Variants in RPL14 observed in about 807,000 individuals in gnomAD.
The protein encoded by RPL14 is ribosomal protein L14.
RPL14 carries 4 observed loss-of-function variants against 25.3 expected under a neutral mutation model. The ratio of observed to expected loss-of-function variants is 0.16; its 90% CI spans 0.08 to 0.36. The LOEUF (loss-of-function observed/expected upper bound fraction) is 0.36. RPL14 is among the 10% of genes least tolerant of loss of function. The pLI, the probability that RPL14 is intolerant of heterozygous loss-of-function variation, is 1.00. For missense variants in RPL14, 212 were observed against 261.9 expected (o/e 0.81, Z 1.31); for synonymous variants, 75 against 89.8 (o/e 0.84, Z 0.93).
At position 40,461,930 on chromosome 3, in the gene RPL14, A is replaced by G. The variant is rs752234179; in HGVS notation, c.355-9A>G. 8 of 1,585,888 alleles carry G rather than the reference A, an allele frequency of 5.0e-6. No homozygotes were observed. The highest frequency in any genetic ancestry group is 6.8e-6 in the Non-Finnish European group (8 of 1,170,742). On this transcript the variant is annotated splice_polypyrimidine_tract_variant and intron_variant, in intron 5 of 5. Coordinates refer to ENST00000396203, the MANE Select transcript of RPL14 (RefSeq NM_001034996.3). The stretch of plus-strand genomic sequence containing the variant: ...ACAATAAGTGCTTTCTTACATTGAT[A>G]ATTTTCAGAGGAACAGAATAATCAA...
chr3:40,458,901 C>T (rs926184732), intron 3 of RPL14, 165 bp downstream of exon 3: 24 of 620,190 alleles, frequency 3.9e-5, no homozygotes, highest in Middle Eastern at 5.1e-4. Context: ...CTTGCCTGCG[C>T]GTGATAGCTC....
chr3:40,458,918 G>T, intron 3 of RPL14, 182 bp downstream of exon 3: 1 of 574,546 alleles, frequency 1.7e-6, no homozygotes, highest in Non-Finnish European at 3.1e-6. Flanking sequence ...GCTCATGCCT[G>T]TAATCCCAGT....
rs985528979 is a variant in RPL14 at position 40,461,398 on chromosome 3, T to C, written c.201-9T>C. On this transcript the variant is annotated splice_polypyrimidine_tract_variant and intron_variant, in intron 3 of 5. Coordinates refer to ENST00000396203, the MANE Select transcript of RPL14 (RefSeq NM_001034996.3). ...TGATTTCTTAATCTGTGGTCTTGGC[T>C]CGTTCTAGTGCCCACCAGAAGTATG... The C allele has an allele frequency of 1.2e-6, 2 of 1,613,344 alleles. No individual in the cohort carries two copies. Among genetic ancestry groups the C allele is most frequent in the East Asian group, 2.2e-5 (1 of 44,884 alleles).
At position 40,464,621 on chromosome 3, in the gene RPL14, A is replaced by G; in HGVS notation, c.*2389A>G. The G allele has an allele frequency of 2.3e-6, 1 of 434,778 alleles. No homozygotes were observed. Among genetic ancestry groups the G allele is most frequent in the South Asian group, 1.6e-5 (1 of 61,354 alleles). 26.9% of individuals were successfully genotyped at this position (434,778 alleles called of 1,614,324 possible). A position where few individuals can be genotyped will look rare whatever the true frequency, so the allele number is the denominator to read the frequency against. ...TGAGGGTTTTTTAAAATGGCGTGAT[A>G]TCTCAGATTTAGATCATTGAACTGT... On this transcript the variant is annotated 3_prime_UTR_variant, in exon 6 of 6. Coordinates refer to ENST00000396203, the MANE Select transcript of RPL14 (RefSeq NM_001034996.3).
chr3:40,459,874 A>AAC (rs1559528485), intron 3 of RPL14, among the ~76,000 whole-genome samples: 1 of 151,094 alleles, frequency 6.6e-6, no homozygotes, highest in Non-Finnish European at 1.5e-5. Context: ...AAAAAAAAAA[A>AAC]AAAAAACTTA....
Position 40,463,510 on chromosome 3 carries a change from A to G in RPL14, c.*1278A>G, listed in dbSNP as rs1482684242. The G allele has an allele frequency of 6.6e-6, 1 of 152,166 alleles. No homozygotes were observed. The highest frequency in any genetic ancestry group is 1.5e-5 in the Non-Finnish European group (1 of 68,034). 9.4% of individuals were successfully genotyped at this position (152,166 alleles called of 1,614,324 possible). ...TGTGAGCCACTGTGCCCGGCCTGCAAATTTTCTTATAAAAAGTAAACTAGG... is the reference window on the plus strand; with the variant it reads ...TGTGAGCCACTGTGCCCGGCCTGCAGATTTTCTTATAAAAAGTAAACTAGG... On this transcript the variant is annotated 3_prime_UTR_variant, in exon 6 of 6. Coordinates refer to ENST00000396203, the MANE Select transcript of RPL14 (RefSeq NM_001034996.3).
In RPL14 at chr3:40,461,401, T is replaced by A. The variant is rs182173609; in HGVS notation, c.201-6T>A. ...TTTCTTAATCTGTGGTCTTGGCTCG[T>A]TCTAGTGCCCACCAGAAGTATGTCC... On this transcript the variant is annotated splice_region_variant and splice_polypyrimidine_tract_variant and intron_variant, in intron 3 of 5. Transcript: ENST00000396203. 1.2e-6 allele frequency: 2 copies of A among 1,613,846 alleles called. No individual in the cohort carries two copies. The highest frequency in any genetic ancestry group is 4.5e-5 in the East Asian group (2 of 44,876).
At chr3:40,457,658 C>A in intron 1 of RPL14, 184 bp downstream of exon 1, 1 of 665,576 alleles carries the variant, frequency 1.5e-6, no homozygotes, top group Non-Finnish European at 2.6e-6. Flanking sequence ...GAGCCTTGTC[C>A]TGCCGTGTGG....
At chr3:40,460,683 G>C (rs1332965788) in intron 3 of RPL14, among the ~76,000 whole-genome samples, 2 of 150,720 alleles carry the variant, frequency 1.3e-5, no homozygotes, top group Non-Finnish European at 2.9e-5. Context: ...ACGCAATCTT[G>C]ACTCACTGCA....
In RPL14 at chr3:40,462,000, C is replaced by A; in HGVS notation, c.416C>A (p.Ser139Tyr). 1.3e-6 allele frequency: 2 copies of A among 1,590,454 alleles called. No homozygotes were observed. The highest frequency in any genetic ancestry group is 1.7e-6 in the Non-Finnish European group (2 of 1,164,362). ...KLQKAALLKA[S>Y]PKKAPGTKGT... ...CAAAAGGCAGCTCTCCTGAAAGCTTCTCCCAAAAAAGCACCTGGTACTAAG... is the reference window on the plus strand; with the variant it reads ...CAAAAGGCAGCTCTCCTGAAAGCTTATCCCAAAAAAGCACCTGGTACTAAG... Residue 139 changes from serine (S) to tyrosine (Y), a missense_variant, in exon 6 of 6, where the codon TCT becomes TAT. Transcript: ENST00000396203.
chr3:40,457,513 C>T, intron 1 of RPL14, 39 bp downstream of exon 1: 1 of 1,458,458 alleles, frequency 6.9e-7, no homozygotes, highest in Non-Finnish European at 9.4e-7. Flanking sequence ...GGAATCGGGC[C>T]CTTCCCGGAC....
chr3:40,462,438 G>A lies in RPL14; in HGVS notation c.*206G>A, dbSNP rs148119589. On this transcript the variant is annotated 3_prime_UTR_variant, in exon 6 of 6. Transcript: ENST00000396203. ...GTTGCTCAGGCCGGACTGCAGTGGC[G>A]CTATCTCGGCTCACTGTAAGTTCCA... 711 of 477,030 alleles carry A rather than the reference G, an allele frequency of 1.5e-3. 14 individuals are homozygous for A. In the South Asian group the frequency reaches 0.02, roughly 13 times the overall value. 29.5% of individuals were successfully genotyped at this position (477,030 alleles called of 1,614,324 possible).
chr3:40,462,351 A>G lies in RPL14; in HGVS notation c.*119A>G. On this transcript the variant is annotated 3_prime_UTR_variant, in exon 6 of 6. Coordinates refer to ENST00000396203, the MANE Select transcript of RPL14 (RefSeq NM_001034996.3). ...GAGGCAGATTGATAGTAGGATTATA[A>G]TAAACATTAAATAATCAGTTCCTTT... The G allele has an allele frequency of 1.1e-6, 1 of 885,016 alleles. No individual in the cohort carries two copies. The highest frequency in any genetic ancestry group is 1.7e-6 in the Non-Finnish European group (1 of 600,470). The allele number at this position is 885,016 out of a possible 1,614,324, so 54.8% of individuals were successfully genotyped here.
Position 40,464,430 on chromosome 3 carries a change from G to A in RPL14, c.*2198G>A, listed in dbSNP as rs114429323. 1.7e-3 allele frequency: 769 copies of A among 455,958 alleles called. 3 individuals are homozygous for A. Among genetic ancestry groups the A allele is most frequent in the African/African-American group, 0.013 (659 of 50,188 alleles). The allele number at this position is 455,958 out of a possible 1,614,324, so 28.2% of individuals were successfully genotyped here. A position where few individuals can be genotyped will look rare whatever the true frequency, so the allele number is the denominator to read the frequency against. On this transcript the variant is annotated 3_prime_UTR_variant, in exon 6 of 6. Transcript: ENST00000396203. ...GTTCTACTCTGGGAGGTAGAGAATT[G>A]TCTAGAGAAAGTGGCATCTATACCT...
At chr3:40,458,836 C>G in intron 3 of RPL14, 100 bp downstream of exon 3, 1 of 866,154 alleles carries the variant, frequency 1.2e-6, no homozygotes, top group Non-Finnish European at 1.9e-6. Flanking sequence ...CAGAGCCATC[C>G]TGAAGAGGGA....
rs1696859756 is a variant in RPL14 at position 40,457,492 on chromosome 3, G to A, written c.3+18G>A. 6.5e-7 allele frequency: 1 copy of A among 1,533,056 alleles called. No individual in the cohort carries two copies. The highest frequency in any genetic ancestry group is 2.5e-5 in the East Asian group (1 of 40,804). 95.0% of individuals were successfully genotyped at this position (1,533,056 alleles called of 1,614,324 possible). A position where few individuals can be genotyped will look rare whatever the true frequency, so the allele number is the denominator to read the frequency against. On this transcript the variant is annotated intron_variant, in intron 1 of 5. Coordinates refer to ENST00000396203, the MANE Select transcript of RPL14 (RefSeq NM_001034996.3). ...AGCGCATGGTGAGGGTCCCCGGGCC[G>A]GCTGTGCAGCGGAATCGGGCCCTTC... is the stretch of plus-strand genomic sequence containing the variant.
intron 1 of RPL14, 99 bp downstream of exon 1, chr3:40,457,573 G>GGCCTGGCGC (rs1188505708): frequency 9.6e-7 from 1 of 1,040,690 alleles, no homozygotes; most frequent in Admixed American, 2.1e-5. Flanking sequence ...GGGCCCGGCA[G>GGCCTGGCGC]GCCTGGCGCG....
chr3:40,458,826 C>T, intron 3 of RPL14, 90 bp downstream of exon 3: 2 of 947,284 alleles, frequency 2.1e-6, no homozygotes, highest in Middle Eastern at 2.1e-4. Flanking sequence ...ACGGAAGATT[C>T]AGAGCCATCC....
rs1697006289 is a variant in RPL14, at chr3:40,464,894, A to C, written c.*2662A>C. The C allele has an allele frequency of 9.9e-6, 2 of 202,404 alleles. No individual in the cohort carries two copies. The highest frequency in any genetic ancestry group is 1.8e-4 in the South Asian group (2 of 11,004). 12.5% of individuals were successfully genotyped at this position (202,404 alleles called of 1,614,324 possible). The stretch of plus-strand genomic sequence containing the variant: ...AAATGAGTTAGTTTTCATGTAGACT[A>C]TCTGGGTGTATATGCAAAGACTGCA... On this transcript the variant is annotated 3_prime_UTR_variant, in exon 6 of 6. Coordinates refer to ENST00000396203, the MANE Select transcript of RPL14 (RefSeq NM_001034996.3).
Sources: allele counts gnomAD v4.1 joint callset (sites outside exome capture counted in the v4.1 genomes callset), GRCh38; gene constraint gnomAD v4.1.1; transcripts MANE v1.5; gene names NCBI Gene and HGNC (gene_info 2026-07-23, HGNC 2026-07-21).